TECRL: variants seen among roughly 807,000 people sequenced by gnomAD.
TECRL encodes the protein trans-2,3-enoyl-CoA reductase-like.
In TECRL, 63 loss-of-function variants were observed where a neutral mutation model predicts 52.8. The ratio of observed to expected loss-of-function variants is 1.19; its 90% CI spans 0.97 to 1.47. The LOEUF is 1.47. Ranked by LOEUF, TECRL falls within the 40% of genes most tolerant of loss-of-function variation. The probability of loss-of-function intolerance (pLI) is 0.00; values close to 1 mark genes in which losing one functional copy is unlikely to be tolerated. For synonymous variants in TECRL, 164 were observed against 141.9 expected (o/e 1.16, Z -1.10); for missense variants, 482 against 429.6 (o/e 1.12, Z -1.08).
rs759961253 is a variant in TECRL at position 64,322,693 on chromosome 4, G to A, written c.431C>T (p.Thr144Ile). 1 of 1,592,544 alleles carries A rather than the reference G, an allele frequency of 6.3e-7. No homozygotes were observed. The highest frequency in any genetic ancestry group is 2.3e-5 in the East Asian group (1 of 44,370). The change falls in exon 4 of 12, where the codon ACC (threonine) becomes ATC (isoleucine). Residue 144 changes from threonine to isoleucine, a missense_variant. Thr to Ile is a moderately conservative substitution (Grantham distance 89). Transcript: ENST00000381210. ...ATDLGQQVSW[T>I]TVFLAEYTGP... ...ACATTTCAAATTAACACTTACTGTG[G>A]TCCAACTGACTTGTTGACCTAGGTC...
intron 8 of TECRL, 49 bp from the exon 9 acceptor site, chr4:64,289,816 T>C (rs2109946888): frequency 2.4e-6 from 3 of 1,259,582 alleles, no homozygotes; most frequent in South Asian, 3.3e-5. Context: ...CTGCCTATTT[T>C]TTAAAAAAAC....
chr4:64,384,149 C>T (rs1168811622), intron 1 of TECRL, among the ~76,000 whole-genome samples: 1 of 151,720 alleles, frequency 6.6e-6, no homozygotes, highest in South Asian at 2.1e-4. Context: ...TCATTGGGTG[C>T]CCAGGTGGTG....
In TECRL at chr4:64,289,695, G is replaced by T. The variant is rs776032273; in HGVS notation, c.832+15C>A. 3 of 1,508,438 alleles carry T rather than the reference G, an allele frequency of 2.0e-6. No homozygotes were observed. The highest frequency in any genetic ancestry group is 2.7e-5 in the South Asian group (2 of 73,000). The allele number at this position is 1,508,438 out of a possible 1,614,324, so 93.4% of individuals were successfully genotyped here. ...TAATTCACTCTAAAGAAAAGAAAAA[G>T]AAAAAAGAACTAACCTGTGTGATTG... is the stretch of plus-strand genomic sequence containing the variant. On this transcript the variant is annotated intron_variant, in intron 9 of 11. Transcript: ENST00000381210.
At chr4:64,366,930 G>C (rs922899426) in intron 2 of TECRL, among the ~76,000 whole-genome samples, 1 of 151,986 alleles carries the variant, frequency 6.6e-6, no homozygotes, top group Non-Finnish European at 1.5e-5. Flanking sequence ...AGAGACACAT[G>C]TACTCATGTT....
At chr4:64,296,689 G>A (rs1038786351) in intron 8 of TECRL, among the ~76,000 whole-genome samples, 3 of 151,610 alleles carry the variant, frequency 2.0e-5, no homozygotes, top group African/African-American at 7.2e-5. Context: ...AAAATAGGAA[G>A]GTTCTTTAGG....
chr4:64,398,081 T>TCCTTC (rs4034909), intron 1 of TECRL, among the ~76,000 whole-genome samples: 3 of 151,904 alleles, frequency 2.0e-5, no homozygotes, highest in Non-Finnish European at 4.4e-5. Context: ...CATTAAACAT[T>TCCTTC]ATTTTATAGT....
intron 1 of TECRL, among the ~76,000 whole-genome samples, chr4:64,378,425 G>A (rs1390686203): frequency 6.6e-6 from 1 of 151,958 alleles, no homozygotes; most frequent in Non-Finnish European, 1.5e-5. Context: ...AAATTAGCAG[G>A]GCATGGAGGG....
intron 5 of TECRL, among the ~76,000 whole-genome samples, chr4:64,314,334 G>A (rs146420393): frequency 2.0e-5 from 3 of 151,752 alleles, no homozygotes; most frequent in Admixed American, 6.6e-5. Flanking sequence ...TTTCAATTTT[G>A]TAATTGTAAA....
chr4:64,322,244 A>G (rs914426997), intron 4 of TECRL, among the ~76,000 whole-genome samples: 18 of 152,012 alleles, frequency 1.2e-4, no homozygotes, highest in Admixed American at 3.9e-4. Context: ...TCCCTGCTAT[A>G]TAAACCCCTA....
chr4:64,377,256 T>A (rs931149011), intron 1 of TECRL, among the ~76,000 whole-genome samples: 7 of 152,048 alleles, frequency 4.6e-5, no homozygotes, highest in African/African-American at 1.4e-4. Context: ...AGAAATTAAC[T>A]ACTAAATGAT....
chr4:64,342,844 A>C (rs987886549), intron 2 of TECRL, among the ~76,000 whole-genome samples: 2 of 152,146 alleles, frequency 1.3e-5, no homozygotes, highest in African/African-American at 4.8e-5. Context: ...TCTTTTGTAT[A>C]GGTGGAAGCA....
At chr4:64,397,748 T>TA (rs1465361533) in intron 1 of TECRL, 1 of 152,210 alleles carries the variant, frequency 6.6e-6, no homozygotes, top group East Asian at 1.9e-4. Flanking sequence ...GCAGCCATGC[T>TA]AATCTCTTTA....
chr4:64,376,769 A>G (rs989837325), intron 1 of TECRL, among the ~76,000 whole-genome samples: 3 of 151,998 alleles, frequency 2.0e-5, no homozygotes, highest in Non-Finnish European at 4.4e-5. Context: ...CTCACACTTT[A>G]TGAGGGCACA....
At chr4:64,284,132 T>C (rs952299723) in intron 9 of TECRL, among the ~76,000 whole-genome samples, 12 of 152,034 alleles carry the variant, frequency 7.9e-5, no homozygotes, top group Non-Finnish European at 1.6e-4. Context: ...AATAAAGATT[T>C]GTTTATGTTT....
intron 9 of TECRL, among the ~76,000 whole-genome samples, chr4:64,282,908 G>A (rs1175426642): frequency 6.6e-6 from 1 of 151,896 alleles, no homozygotes; most frequent in Non-Finnish European, 1.5e-5. Context: ...TTATAATAGA[G>A]CTTCTATTAA....
chr4:64,379,950 A>G (rs527676344), intron 1 of TECRL, among the ~76,000 whole-genome samples: 2 of 152,140 alleles, frequency 1.3e-5, no homozygotes, highest in South Asian at 4.1e-4. Context: ...TAAAAATTCT[A>G]TTTTTGTTTT....
At chr4:64,302,003 A>T (rs180827747) in intron 7 of TECRL, among the ~76,000 whole-genome samples, 1 of 151,298 alleles carries the variant, frequency 6.6e-6, no homozygotes, top group African/African-American at 2.4e-5. Context: ...AGGTAAAAAT[A>T]ACCTAATAGG....
intron 1 of TECRL, chr4:64,397,735 A>G (rs1279828809): frequency 2.0e-5 from 3 of 152,204 alleles, no homozygotes; most frequent in South Asian, 2.1e-4. Context: ...TCATTGCTAT[A>G]TAGCAGCCAT....
At chr4:64,318,251 C>T (rs1165550460) in intron 4 of TECRL, among the ~76,000 whole-genome samples, 7 of 151,928 alleles carry the variant, frequency 4.6e-5, no homozygotes, top group African/African-American at 1.4e-4. Context: ...TAAAGATGCA[C>T]ATAACAGGAA....
Sources: allele counts gnomAD v4.1 joint callset (sites outside exome capture counted in the v4.1 genomes callset), GRCh38; gene constraint gnomAD v4.1.1; transcripts MANE v1.5; gene names NCBI Gene and HGNC (gene_info 2026-07-23, HGNC 2026-07-21).